WDPCP: variants seen among roughly 807,000 people sequenced by gnomAD.
WDPCP encodes WD repeat-containing and planar cell polarity effector protein fritz homolog.
A neutral mutation model predicts 93.1 loss-of-function variants in WDPCP; 71 were observed. The ratio of observed to expected loss-of-function variants is 0.76; its 90% confidence interval spans 0.63 to 0.93. WDPCP has a LOEUF of 0.93. WDPCP is among the 40% of genes least tolerant of loss of function. The pLI is 0.00. For missense variants in WDPCP, 844 were observed against 887.4 expected, an observed-to-expected ratio of 0.95 and a Z score of 0.62; for synonymous variants, 315 against 315.0, an observed-to-expected ratio of 1.00 and a Z score of 0.00.
intron 1 of WDPCP, among the ~76,000 whole-genome samples, chr2:63,503,356 CA>C (rs1313861850): frequency 6.6e-6 from 1 of 152,114 alleles, no homozygotes; most frequent in African/African-American, 2.4e-5. Flanking sequence ...TGCTAATGCT[CA>C]TTTTAAATAT....
At chr2:63,232,881 G>A in intron 14 of WDPCP, 1 of 183,326 alleles carries the variant, frequency 5.5e-6, no homozygotes, top group African/African-American at 2.4e-5. Context: ...GATCCTGGTT[G>A]TACGGGAGGA....
chr2:63,701,308 C>A (rs10211360), intron 2 of WDPCP, among the ~76,000 whole-genome samples: 89,378 of 152,010 alleles, frequency 0.59, 27,476 homozygotes, highest in African/African-American at 0.74. Flanking sequence ...ACAAAGAGAT[C>A]TCTCACCCCA....
intron 2 of WDPCP, among the ~76,000 whole-genome samples, chr2:63,805,513 T>C (rs922619188): frequency 6.6e-6 from 1 of 152,178 alleles, no homozygotes; most frequent in African/African-American, 2.4e-5. Flanking sequence ...TATGTGCTTA[T>C]ATGATTTTTT....
At chr2:63,649,536 A>G (rs1217460175) in intron 3 of WDPCP, among the ~76,000 whole-genome samples, 1 of 152,192 alleles carries the variant, frequency 6.6e-6, no homozygotes. Flanking sequence ...TTGTGGGAAT[A>G]TGTTTTCAAA....
chr2:63,230,497 T>C (rs1319494823), intron 14 of WDPCP, among the ~76,000 whole-genome samples: 2 of 152,164 alleles, frequency 1.3e-5, no homozygotes, highest in Non-Finnish European at 2.9e-5. Context: ...TTCTAGATCC[T>C]TGAGGAATCG....
intron 7 of WDPCP, among the ~76,000 whole-genome samples, chr2:63,438,663 C>T (rs1165140460): frequency 6.6e-6 from 1 of 152,004 alleles, no homozygotes; most frequent in Non-Finnish European, 1.5e-5. Context: ...AATCCTACCC[C>T]CAGCTTATTA....
chr2:63,350,809 A>G (rs372565196), intron 12 of WDPCP, among the ~76,000 whole-genome samples: 6 of 152,204 alleles, frequency 3.9e-5, no homozygotes, highest in South Asian at 2.1e-4. Context: ...ATAAGCTTCT[A>G]TGGTGCTTTG....
At chr2:63,478,953 A>G (rs1197930693) in intron 6 of WDPCP, among the ~76,000 whole-genome samples, 1 of 152,110 alleles carries the variant, frequency 6.6e-6, no homozygotes, top group African/African-American at 2.4e-5. Context: ...AGCAAGATTA[A>G]CCAAGAAAAG....
chr2:63,810,042 C>T (rs1190455488), intron 2 of WDPCP, among the ~76,000 whole-genome samples: 2 of 152,124 alleles, frequency 1.3e-5, no homozygotes, highest in Non-Finnish European at 2.9e-5. Flanking sequence ...TACTCTACAA[C>T]ATTTGGCTAA....
chr2:63,292,825 A>C (rs1283084696), intron 13 of WDPCP, among the ~76,000 whole-genome samples: 1 of 152,212 alleles, frequency 6.6e-6, no homozygotes, highest in Non-Finnish European at 1.5e-5. Context: ...GGAACTATGG[A>C]GTCTACTGAG....
chr2:63,506,572 T>C (rs1701888315), intron 1 of WDPCP, among the ~76,000 whole-genome samples: 1 of 152,006 alleles, frequency 6.6e-6, no homozygotes. Context: ...CAAGTACCAA[T>C]GGCGGGGTGG....
At chr2:63,511,711 C>G (rs1370311767) in intron 1 of WDPCP, among the ~76,000 whole-genome samples, 1 of 152,178 alleles carries the variant, frequency 6.6e-6, no homozygotes, top group Non-Finnish European at 1.5e-5. Flanking sequence ...AAAACTGAAA[C>G]TGGACCACTT....
chr2:63,813,549 T>C (rs984802815), intron 2 of WDPCP: 2 of 152,224 alleles, frequency 1.3e-5, no homozygotes, highest in African/African-American at 4.8e-5. Flanking sequence ...CACAAGTCCA[T>C]GTCTTTGCTG....
chr2:63,583,736 A>G (rs1224519108), intron 1 of WDPCP, among the ~76,000 whole-genome samples: 2 of 152,036 alleles, frequency 1.3e-5, no homozygotes, highest in African/African-American at 4.8e-5. Context: ...TTAGGGTACT[A>G]GTGTCATGAG....
chr2:63,285,878 A>C (rs758103955), intron 13 of WDPCP, among the ~76,000 whole-genome samples: 4 of 152,228 alleles, frequency 2.6e-5, no homozygotes, highest in Non-Finnish European at 5.9e-5. Flanking sequence ...CTTAAACTTC[A>C]CTGTTAACCA....
chr2:63,350,071 G>A (rs901125537), intron 12 of WDPCP, among the ~76,000 whole-genome samples: 1 of 152,158 alleles, frequency 6.6e-6, no homozygotes, highest in Non-Finnish European at 1.5e-5. Flanking sequence ...CCTGGATTAA[G>A]AAAATGTGGC....
intron 1 of WDPCP, among the ~76,000 whole-genome samples, chr2:63,549,496 C>T (rs1390734707): frequency 1.3e-5 from 2 of 151,940 alleles, no homozygotes; most frequent in East Asian, 1.9e-4. Context: ...CAGCAAAGCG[C>T]GGTGGCTCAC....
chr2:63,760,238 C>T (rs907206277), intron 2 of WDPCP, among the ~76,000 whole-genome samples: 28 of 152,222 alleles, frequency 1.8e-4, no homozygotes, highest in African/African-American at 6.3e-4. Flanking sequence ...GAGCATGAGG[C>T]CTTATGAGAC....
chr2:63,377,478 T>C (rs992476904), intron 12 of WDPCP, among the ~76,000 whole-genome samples: 1 of 151,236 alleles, frequency 6.6e-6, no homozygotes, highest in African/African-American at 2.4e-5. Context: ...CATACATATG[T>C]ATATGTATGT....
Sources: gnomAD v4.1 joint callset for allele counts (sites outside exome capture counted in the v4.1 genomes callset) on GRCh38, gnomAD v4.1.1 for gene constraint, MANE v1.5 for transcripts, NCBI Gene and HGNC (gene_info 2026-07-23, HGNC 2026-07-21) for gene names.